RGS6: variants seen among roughly 807,000 people sequenced by gnomAD.
RGS6 encodes regulator of G-protein signaling 6.
In RGS6, 30 loss-of-function variants were observed where a neutral mutation model predicts 78.5. The ratio of observed to expected loss-of-function variants is 0.38; its 90% CI spans 0.29 to 0.52. The LOEUF is 0.52. Ranked by LOEUF, RGS6 falls within the 20% of genes least tolerant of loss-of-function variation. The probability of loss-of-function intolerance (pLI) is 0.85; values close to 1 mark genes in which losing one functional copy is unlikely to be tolerated. For missense variants in RGS6, 495 were observed against 609.7 expected (o/e 0.81, Z 1.98); for synonymous variants, 206 against 206.0 (o/e 1.00, Z 0.00).
At chr14:72,030,735 A>T (rs1224488506) in intron 2 of RGS6, among the ~76,000 whole-genome samples, 1 of 152,210 alleles carries the variant, frequency 6.6e-6, no homozygotes, top group Non-Finnish European at 1.5e-5. Context: ...TGTTAACAAT[A>T]TCATTATCTT....
At chr14:72,027,924 GTT>G (rs991172439) in intron 2 of RGS6, among the ~76,000 whole-genome samples, 1 of 152,136 alleles carries the variant, frequency 6.6e-6, no homozygotes, top group African/African-American at 2.4e-5. Context: ...TGTTGAGAGT[GTT>G]TTTGTTAATT....
At chr14:72,510,806 T>G (rs1373606645) in intron 14 of RGS6, among the ~76,000 whole-genome samples, 2 of 152,252 alleles carry the variant, frequency 1.3e-5, no homozygotes, top group African/African-American at 2.4e-5. Context: ...CATGCTTTTT[T>G]CTTTTAGAAT....
chr14:72,129,102 A>G (rs1041054635), intron 2 of RGS6, among the ~76,000 whole-genome samples: 14 of 152,308 alleles, frequency 9.2e-5, no homozygotes, highest in African/African-American at 3.4e-4. Context: ...TTAGAGTTGG[A>G]GAAATTAAAA....
chr14:72,394,831 A>T (rs2090815975), intron 3 of RGS6, among the ~76,000 whole-genome samples: 1 of 152,246 alleles, frequency 6.6e-6, no homozygotes, highest in South Asian at 2.1e-4. Context: ...AATCACAAGA[A>T]TATTGATTGG....
chr14:72,540,305 C>T (rs1306358071), intron 17 of RGS6: 5 of 1,493,592 alleles, frequency 3.3e-6, no homozygotes, highest in South Asian at 2.7e-5. Flanking sequence ...GCGGCTCCCT[C>T]TGCAGAAGGT....
At chr14:71,952,755 C>T (rs1339403247) in intron 1 of RGS6, among the ~76,000 whole-genome samples, 17 of 152,120 alleles carry the variant, frequency 1.1e-4, no homozygotes, top group Non-Finnish European at 2.9e-5. Flanking sequence ...TGAAAGGGTG[C>T]ACCTTATATT....
intron 2 of RGS6, among the ~76,000 whole-genome samples, chr14:72,093,221 C>T (rs867765388): frequency 2.6e-5 from 4 of 152,094 alleles, no homozygotes; most frequent in Non-Finnish European, 5.9e-5. Flanking sequence ...TGTTTTGAAA[C>T]GACTATATGT....
At chr14:72,157,599 T>C (rs955874640) in intron 2 of RGS6, among the ~76,000 whole-genome samples, 1 of 152,144 alleles carries the variant, frequency 6.6e-6, no homozygotes, top group African/African-American at 2.4e-5. Flanking sequence ...TTACAAGATA[T>C]TTTCAGGACC....
the RGS6 span, among the ~76,000 whole-genome samples, chr14:72,615,189 G>A: frequency 6.6e-6 from 1 of 152,152 alleles, no homozygotes; most frequent in Admixed American, 6.5e-5. Context: ...AAACCAGCCT[G>A]GGGGGCAGGG....
chr14:72,204,929 C>A (rs537561258), intron 2 of RGS6, among the ~76,000 whole-genome samples: 7 of 152,198 alleles, frequency 4.6e-5, no homozygotes, highest in Non-Finnish European at 8.8e-5. Context: ...TGGCCCCAAG[C>A]CATGATGTTT....
intron 15 of RGS6, among the ~76,000 whole-genome samples, chr14:72,527,603 C>T (rs114657630): frequency 3.5e-4 from 53 of 152,354 alleles, no homozygotes; most frequent in African/African-American, 1.2e-3. Context: ...TCTCTCATCC[C>T]ACAAATCATC....
intron 2 of RGS6, among the ~76,000 whole-genome samples, chr14:72,048,841 G>A (rs1216351216): frequency 6.6e-6 from 1 of 151,946 alleles, no homozygotes; most frequent in African/African-American, 2.4e-5. Flanking sequence ...AAAAAATAGA[G>A]AGGAGCTTAA....
intron 6 of RGS6, among the ~76,000 whole-genome samples, chr14:72,463,567 G>A (rs1249040608): frequency 6.6e-6 from 1 of 152,174 alleles, no homozygotes; most frequent in Admixed American, 6.5e-5. Flanking sequence ...TTTTGACCCC[G>A]CTTACCCATT....
chr14:71,969,599 T>G (rs765616443), intron 2 of RGS6, among the ~76,000 whole-genome samples: 6 of 152,246 alleles, frequency 3.9e-5, no homozygotes, highest in Non-Finnish European at 8.8e-5. Context: ...ATTCTACTTC[T>G]TGTTTTGTTT....
chr14:71,958,798 T>C (rs1280404346), intron 1 of RGS6, among the ~76,000 whole-genome samples: 1 of 152,036 alleles, frequency 6.6e-6, no homozygotes, highest in Non-Finnish European at 1.5e-5. Context: ...ATCTGGAAAA[T>C]GGTTAATCTG....
At chr14:71,937,889 G>A (rs1394191107) in intron 1 of RGS6, among the ~76,000 whole-genome samples, 2 of 152,234 alleles carry the variant, frequency 1.3e-5, no homozygotes, top group African/African-American at 4.8e-5. Context: ...CTGAGGGATA[G>A]TGCCATATGG....
At chr14:72,184,408 A>ACACACACACG (rs1273534802) in intron 2 of RGS6, among the ~76,000 whole-genome samples, 1 of 151,464 alleles carries the variant, frequency 6.6e-6, no homozygotes, top group Non-Finnish European at 1.5e-5. Flanking sequence ...ACACACACAC[A>ACACACACACG]CACAGAAAGA....
intron 7 of RGS6, among the ~76,000 whole-genome samples, chr14:72,467,742 C>G (rs1056911373): frequency 6.6e-5 from 10 of 152,126 alleles, no homozygotes; most frequent in African/African-American, 2.2e-4. Flanking sequence ...TATGATCTCC[C>G]CAGATAAACC....
At chr14:72,133,772 G>A (rs1382975215) in intron 2 of RGS6, among the ~76,000 whole-genome samples, 1 of 151,990 alleles carries the variant, frequency 6.6e-6, no homozygotes, top group Non-Finnish European at 1.5e-5. Flanking sequence ...TCTGCCATGA[G>A]CCAAGCTTTT....
Sources: allele counts gnomAD v4.1 joint callset (sites outside exome capture counted in the v4.1 genomes callset), GRCh38; gene constraint gnomAD v4.1.1; transcripts MANE v1.5; gene names NCBI Gene and HGNC (gene_info 2026-07-23, HGNC 2026-07-21).